The following HENMT1 variants were observed in gnomAD, a reference collection of about 807,000 sequenced individuals.
The protein encoded by HENMT1 is small RNA 2'-O-methyltransferase.
A neutral mutation model predicts 31.1 loss-of-function variants in HENMT1; 27 were observed. That is an observed-to-expected ratio of 0.87 (90% CI 0.64 to 1.20). The LOEUF is 1.20. Ranked by LOEUF, HENMT1 falls within the 50% of genes most tolerant of loss-of-function variation. The pLI is 0.00. For missense variants in HENMT1, 438 were observed against 469.6 expected (o/e 0.93, Z 0.62); for synonymous variants, 167 against 172.2 (o/e 0.97, Z 0.24).
chr1:108,655,809 G>T (rs1013949201), intron 3 of HENMT1, 111 bp from the exon 4 acceptor site: 6 of 432,646 alleles, frequency 1.4e-5, no homozygotes, highest in Non-Finnish European at 1.7e-5. Context: ...ATAAAATAAT[G>T]AAAGTATTAT....
At chr1:108,655,864 C>CACACACAG (rs1418621394) in intron 3 of HENMT1, among the ~76,000 whole-genome samples, 166 bp from the exon 4 acceptor site, 2 of 149,204 alleles carry the variant, frequency 1.3e-5, no homozygotes, top group Non-Finnish European at 3.0e-5. Flanking sequence ...CACACACACA[C>CACACACAG]ACACACACAC....
chr1:108,655,787 T>C, intron 3 of HENMT1, 89 bp from the exon 4 acceptor site: 1 of 651,700 alleles, frequency 1.5e-6, no homozygotes, highest in Non-Finnish European at 2.7e-6. Flanking sequence ...GAGAGTGGAG[T>C]ATATATCAGT....
In HENMT1 at chr1:108,653,929, G is replaced by A. The variant is rs547226046; in HGVS notation, c.398+787C>T. Among the ~76,000 whole-genome samples the A allele has an allele frequency of 2.6e-5, 4 of 152,206 alleles. No homozygotes were observed. In the East Asian group the frequency reaches 7.7e-4, roughly 29 times the overall value. ...TCCCATTTGTGTATTTCTGTTTGTA[G>A]CCTGTGCTTTTGTAGTCTTACTCAA... is the stretch of plus-strand genomic sequence containing the variant. On this transcript the variant is annotated intron_variant, in intron 5 of 7. Transcript: ENST00000651461.
chr1:108,656,458 C>T (rs1315729832), intron 3 of HENMT1, among the ~76,000 whole-genome samples: 1 of 152,186 alleles, frequency 6.6e-6, no homozygotes, highest in African/African-American at 2.4e-5. Context: ...TATGACTTTA[C>T]TCTGAAGTTA....
chr1:108,648,649 C>T lies in HENMT1; in HGVS notation c.1099G>A (p.Ala367Thr). 6.2e-7 allele frequency: 1 copy of T among 1,614,208 alleles called. No homozygotes were observed. The highest frequency in any genetic ancestry group is 8.5e-7 in the Non-Finnish European group (1 of 1,180,000). The change falls in exon 8 of 8, where the codon GCT (alanine) becomes ACT (threonine). Residue 367 changes from alanine (A) to threonine (T), a missense_variant. Transcript: ENST00000651461. ...TCACTGCTCAGAGGAATTGAGTCAGCAATGACTGATCTCATCATCTCTTCA... is the reference window on the plus strand; with the variant it reads ...TCACTGCTCAGAGGAATTGAGTCAGTAATGACTGATCTCATCATCTCTTCA... Reference protein sequence around the residue: ...ANEEMMRSVIADSIPLSSDGS... With the variant: ...ANEEMMRSVITDSIPLSSDGS...
chr1:108,655,488 A>C (rs1658203387), intron 4 of HENMT1, 98 bp downstream of exon 4: 1 of 668,100 alleles, frequency 1.5e-6, no homozygotes, highest in Non-Finnish European at 2.4e-6. Flanking sequence ...TAATGGCCCC[A>C]ATCTTTTAAA....
At chr1:108,660,018 T>A in intron 1 of HENMT1, 56 bp from the exon 2 acceptor site, 1 of 940,240 alleles carries the variant, frequency 1.1e-6, no homozygotes, top group Non-Finnish European at 1.5e-6. Context: ...AATAGCTGCC[T>A]AGTTCAGAAG....
At chr1:108,661,211 G>T, upstream of HENMT1, 1 of 153,592 alleles carries the variant, frequency 6.5e-6, no homozygotes, top group African/African-American at 2.4e-5. Flanking sequence ...TCGGCCTTGG[G>T]CCCCGGGAGC....
chr1:108,661,042 AAGCTC>A lies in HENMT1; in HGVS notation c.-163_-159del, dbSNP rs1295802557. 1.4e-5 allele frequency: 14 copies of A among 982,458 alleles called. No homozygotes were observed. The highest frequency in any genetic ancestry group is 1.7e-5 in the African/African-American group (1 of 57,182). 60.9% of individuals were successfully genotyped at this position (982,458 alleles called of 1,614,324 possible). A position where few individuals can be genotyped will look rare whatever the true frequency, so the allele number is the denominator to read the frequency against. ...AGCAGCATGCCCAACCGAAAAAACA[AAGCTC>A]GTCGCGGAGCCGCCAGCGTCCTCAA... is the stretch of plus-strand genomic sequence containing the variant. On this transcript the variant is annotated 5_prime_UTR_variant, in exon 1 of 8. Transcript: ENST00000651461.
chr1:108,655,472 G>A (rs1570636010), intron 4 of HENMT1, 114 bp downstream of exon 4: 1 of 550,408 alleles, frequency 1.8e-6, no homozygotes, highest in East Asian at 3.3e-5. Flanking sequence ...GTGAGTTGAA[G>A]ATCCCTAATG....
intron 4 of HENMT1, 96 bp downstream of exon 4, chr1:108,655,490 T>G: frequency 1.5e-6 from 1 of 679,464 alleles, no homozygotes; most frequent in Non-Finnish European, 2.4e-6. Flanking sequence ...ATGGCCCCAA[T>G]CTTTTAAAAC....
At chr1:108,649,916 C>T (rs978872221) in intron 7 of HENMT1, 1 of 440,290 alleles carries the variant, frequency 2.3e-6, no homozygotes, top group African/African-American at 2.0e-5. Flanking sequence ...GGCCTCCCAA[C>T]ATGCTAGGAT....
In HENMT1 at chr1:108,649,336, C is replaced by A. The variant is rs544437524; in HGVS notation, c.757-345G>T. 5 of 467,626 alleles carry A rather than the reference C, an allele frequency of 1.1e-5. No homozygotes were observed. In the East Asian group the frequency reaches 3.3e-4, roughly 31 times the overall value. The allele number at this position is 467,626 out of a possible 1,614,324, so 29.0% of individuals were successfully genotyped here. On this transcript the variant is annotated intron_variant, in intron 7 of 7. Transcript: ENST00000651461. ...GAAAACGTGGGTAAGTGCAGTGACT[C>A]ACACCTGTAATCTCAGCATTTTAGG...
At chr1:108,660,147 C>T (rs1216442562) in intron 1 of HENMT1, among the ~76,000 whole-genome samples, 185 bp from the exon 2 acceptor site, 1 of 141,834 alleles carries the variant, frequency 7.1e-6, no homozygotes, top group African/African-American at 2.6e-5. Flanking sequence ...AACACGAAAG[C>T]AGGACTCGAA....
intron 1 of HENMT1, among the ~76,000 whole-genome samples, 198 bp downstream of exon 1, chr1:108,660,756 CTACTAAAAA>C (rs1055183738): frequency 2.0e-5 from 3 of 151,700 alleles, no homozygotes; most frequent in Admixed American, 6.6e-5. Flanking sequence ...AACCCCGTCT[CTACTAAAAA>C]TACAAAAAAT....
chr1:108,660,386 T>G (rs1201589999), intron 1 of HENMT1, among the ~76,000 whole-genome samples: 3 of 152,196 alleles, frequency 2.0e-5, no homozygotes, highest in Non-Finnish European at 4.4e-5. Flanking sequence ...GGAGCAATCT[T>G]AGGAGTTCTG....
chr1:108,651,528 C>G (rs1211042257), intron 5 of HENMT1: 1 of 184,004 alleles, frequency 5.4e-6, no homozygotes, highest in Non-Finnish European at 1.1e-5. Context: ...GCCTGTAATC[C>G]CAGCTACTCG....
intron 2 of HENMT1, among the ~76,000 whole-genome samples, chr1:108,657,977 A>G (rs1387986524): frequency 7.0e-6 from 1 of 141,910 alleles, no homozygotes; most frequent in Non-Finnish European, 1.6e-5. Context: ...ATATATATAC[A>G]CACACACATA....
chr1:108,653,000 G>T (rs1658105664), intron 5 of HENMT1, among the ~76,000 whole-genome samples: 1 of 151,376 alleles, frequency 6.6e-6, no homozygotes, highest in African/African-American at 2.4e-5. Flanking sequence ...CTTTTTTAGG[G>T]CTGAATAGTA....
Sources: allele counts gnomAD v4.1 joint callset (sites outside exome capture counted in the v4.1 genomes callset), GRCh38; gene constraint gnomAD v4.1.1; transcripts MANE v1.5; gene names NCBI Gene and HGNC (gene_info 2026-07-23, HGNC 2026-07-21).